The following TBC1D2B variants were observed in gnomAD, a reference collection of about 807,000 sequenced individuals.
TBC1D2B encodes TBC1 domain family member 2B.
A neutral mutation model predicts 100.8 loss-of-function variants in TBC1D2B; 64 were observed. That is an observed-to-expected ratio of 0.64 (90% CI 0.52 to 0.78). TBC1D2B has a LOEUF of 0.78. Ranked by LOEUF, TBC1D2B falls within the 30% of genes least tolerant of loss-of-function variation. TBC1D2B has a pLI of 0.00. For synonymous variants in TBC1D2B, 480 were observed against 479.7 expected (o/e 1.00, Z -0.01); for missense variants, 1,052 against 1,218.4 (o/e 0.86, Z 2.03).
At chr15:78,002,952 A>T in intron 11 of TBC1D2B, 9 of 166,398 alleles carry the variant, frequency 5.4e-5, no homozygotes, top group Non-Finnish European at 1.0e-4. Context: ...CCCCCTCATT[A>T]GCCCCCCTAA....
chr15:78,029,924 C>A, intron 4 of TBC1D2B, 83 bp downstream of exon 4: 1 of 1,172,964 alleles, frequency 8.5e-7, no homozygotes, highest in Non-Finnish European at 1.2e-6. Context: ...CTCGAAATAC[C>A]TGCTAATAAT....
chr15:77,999,986 C>T (rs1290198254), intron 12 of TBC1D2B, among the ~76,000 whole-genome samples: 1 of 152,232 alleles, frequency 6.6e-6, no homozygotes, highest in African/African-American at 2.4e-5. Flanking sequence ...AACTCCCTCC[C>T]TGTGTTTCTG....
intron 3 of TBC1D2B, among the ~76,000 whole-genome samples, chr15:78,042,677 G>C (rs1293844536): frequency 1.3e-5 from 2 of 152,272 alleles, no homozygotes; most frequent in Middle Eastern, 3.4e-3. Context: ...AGATGGCACA[G>C]GGCAGACAGG....
chr15:78,074,169 T>G (rs1401806849), intron 1 of TBC1D2B, among the ~76,000 whole-genome samples: 5 of 151,718 alleles, frequency 3.3e-5, no homozygotes, highest in Non-Finnish European at 7.4e-5. Context: ...GACTACAGCG[T>G]GCGCCACCAT....
chr15:78,056,304 T>A (rs913485429), intron 1 of TBC1D2B, among the ~76,000 whole-genome samples: 1 of 152,002 alleles, frequency 6.6e-6, no homozygotes, highest in Non-Finnish European at 1.5e-5. Context: ...GGTCAGTGAG[T>A]GGCAAGGACC....
rs1001848142 is a variant in TBC1D2B, at chr15:78,013,915, T to C, written c.1776-598A>G. On this transcript the variant is annotated intron_variant, in intron 8 of 12. Coordinates refer to ENST00000300584, the MANE Select transcript of TBC1D2B (RefSeq NM_144572.2). Reference sequence around the variant, plus strand: ...TGGGATATCTGGGTGGGCCCAAATATCCTCATGAGCCCTTCAAAGTGGAAG... The same window carrying C: ...TGGGATATCTGGGTGGGCCCAAATACCCTCATGAGCCCTTCAAAGTGGAAG... 4.6e-5 allele frequency among the ~76,000 whole-genome samples: 7 copies of C among 152,228 alleles called. No homozygotes were observed. In the South Asian group the frequency reaches 1.2e-3, roughly 27 times the overall value.
intron 1 of TBC1D2B, among the ~76,000 whole-genome samples, chr15:78,071,013 G>A (rs762684547): frequency 6.6e-6 from 1 of 152,068 alleles, no homozygotes; most frequent in Non-Finnish European, 1.5e-5. Flanking sequence ...GTAGAGACAG[G>A]GTCTCACCAT....
At chr15:78,053,771 C>T (rs1006559530) in intron 2 of TBC1D2B, 1 of 365,076 alleles carries the variant, frequency 2.7e-6, no homozygotes, top group Non-Finnish European at 5.0e-6. Flanking sequence ...ACTAGACTTA[C>T]AGCACCACAA....
intron 1 of TBC1D2B, among the ~76,000 whole-genome samples, chr15:78,076,671 G>C (rs774492943): frequency 6.6e-6 from 1 of 152,102 alleles, no homozygotes; most frequent in Non-Finnish European, 1.5e-5. Flanking sequence ...AGGATCTCTT[G>C]AGCCCAGGCA....
At chr15:78,024,035 G>GA (rs145399786) in intron 6 of TBC1D2B, 121 bp downstream of exon 6, 47,238 of 1,096,746 alleles carry the variant, frequency 0.043, 548 homozygotes, top group African/African-American at 0.13. Context: ...CACTTGTGGG[G>GA]AAAAAAAATA....
chr15:78,016,162 G>A (rs1035305323), intron 8 of TBC1D2B, among the ~76,000 whole-genome samples: 1 of 152,138 alleles, frequency 6.6e-6, no homozygotes, highest in Non-Finnish European at 1.5e-5. Context: ...AATATATGGG[G>A]GGTGTGTGTG....
chr15:78,043,982 G>A (rs927197299), intron 3 of TBC1D2B, among the ~76,000 whole-genome samples: 10 of 149,866 alleles, frequency 6.7e-5, no homozygotes, highest in African/African-American at 2.0e-4. Context: ...CATGAACCAC[G>A]CAACTGCATG....
At chr15:78,011,140 GT>G (rs2072211571) in intron 9 of TBC1D2B, among the ~76,000 whole-genome samples, 1 of 152,296 alleles carries the variant, frequency 6.6e-6, no homozygotes, top group South Asian at 2.1e-4. Flanking sequence ...CTGTCTAGGA[GT>G]AGCTATAGTC....
intron 6 of TBC1D2B, 131 bp downstream of exon 6, chr15:78,024,025 C>A (rs1484963178): frequency 1.4e-5 from 16 of 1,177,970 alleles, no homozygotes; most frequent in Middle Eastern, 5.9e-4. Context: ...AGTCCTGTTA[C>A]ACTTGTGGGG....
chr15:78,043,902 G>A (rs2073140239), intron 3 of TBC1D2B, among the ~76,000 whole-genome samples: 2 of 151,962 alleles, frequency 1.3e-5, no homozygotes, highest in South Asian at 2.1e-4. Flanking sequence ...GCATGGTGGT[G>A]CACACCTGTA....
chr15:78,074,161 C>G (rs760325453), intron 1 of TBC1D2B, among the ~76,000 whole-genome samples: 17 of 151,828 alleles, frequency 1.1e-4, no homozygotes, highest in Admixed American at 2.6e-4. Flanking sequence ...GCAGCTGGGA[C>G]TACAGCGTGC....
intron 10 of TBC1D2B, among the ~76,000 whole-genome samples, chr15:78,005,162 C>T (rs2072033363): frequency 6.6e-6 from 1 of 152,196 alleles, no homozygotes; most frequent in South Asian, 2.1e-4. Context: ...ACTCTTAAGG[C>T]TGCTCGGGTG....
intron 3 of TBC1D2B, among the ~76,000 whole-genome samples, chr15:78,032,730 A>G (rs2072847231): frequency 6.6e-6 from 1 of 152,294 alleles, no homozygotes; most frequent in Middle Eastern, 3.4e-3. Flanking sequence ...GATGAAAAAC[A>G]TGCTAAATGG....
chr15:78,000,192 A>AG (rs1413858073), intron 12 of TBC1D2B, among the ~76,000 whole-genome samples: 1 of 152,222 alleles, frequency 6.6e-6, no homozygotes, highest in Non-Finnish European at 1.5e-5. Flanking sequence ...AGCAAGCTGC[A>AG]GGGGAGACCG....
Sources: allele counts gnomAD v4.1 joint callset (sites outside exome capture counted in the v4.1 genomes callset), GRCh38; gene constraint gnomAD v4.1.1; transcripts MANE v1.5; gene names NCBI Gene and HGNC (gene_info 2026-07-23, HGNC 2026-07-21).